The following GP6 variants were observed in gnomAD, a reference collection of about 807,000 sequenced individuals.
GP6 encodes the protein platelet glycoprotein VI.
A neutral mutation model predicts 37.3 loss-of-function variants in GP6; 45 were observed. That is an observed-to-expected ratio of 1.21 (90% confidence interval 0.95 to 1.55). The LOEUF is 1.55. Among genes scored for constraint, GP6 ranks in the 40% most tolerant of loss-of-function variants. The pLI, the probability that GP6 is intolerant of heterozygous loss-of-function variation, is 0.00. For missense variants in GP6, 813 were observed against 760.2 expected, an observed-to-expected ratio of 1.07 and a Z score of -0.82; for synonymous variants, 340 against 316.4, an observed-to-expected ratio of 1.07 and a Z score of -0.79.
intron 6 of GP6, among the ~76,000 whole-genome samples, chr19:55,018,258 G>A (rs577025885): frequency 1.9e-4 from 29 of 152,176 alleles, no homozygotes; most frequent in Non-Finnish European, 2.9e-4. Context: ...GGCCTGGAGC[G>A]GTTAGAAGAT....
chr19:55,025,415 A>G, intron 4 of GP6, 144 bp from the exon 5 acceptor site: 1 of 712,270 alleles, frequency 1.4e-6, no homozygotes, highest in African/African-American at 1.7e-5. Context: ...GGATGTTAAT[A>G]AGCATTTGAG....
At chr19:55,022,261 C>G (rs2074114059) in intron 5 of GP6, among the ~76,000 whole-genome samples, 1 of 152,118 alleles carries the variant, frequency 6.6e-6, no homozygotes, top group African/African-American at 2.4e-5. Context: ...AGATTTTCTT[C>G]TAGGGTTTTT....
At chr19:55,037,565 G>A (rs1041234318) in intron 1 of GP6, among the ~76,000 whole-genome samples, 10 of 145,966 alleles carry the variant, frequency 6.9e-5, no homozygotes, top group African/African-American at 2.0e-4. Flanking sequence ...TCAAACTCCC[G>A]ACCTCAGATG....
At chr19:55,025,150 A>T in intron 5 of GP6, 68 bp downstream of exon 5, 1 of 813,828 alleles carries the variant, frequency 1.2e-6, no homozygotes. Context: ...GTCTAGGCAG[A>T]GAGGAGAGAG....
Position 55,030,829 on chromosome 19 carries a change from T to C in GP6, c.325+1310A>G, listed in dbSNP as rs1654426. On this transcript the variant is annotated intron_variant, in intron 3 of 7. Coordinates refer to ENST00000310373, the MANE Select transcript of GP6 (RefSeq NM_001083899.2). ...ATAGCCTGGAGTTTACTTGATATAA[T>C]ATAGTTGTGTCTATGGTTAGTTTTT... Among the ~76,000 whole-genome samples the C allele has an allele frequency of 4.7e-3, 712 of 152,252 alleles. 8 individuals are homozygous for C. The highest frequency in any genetic ancestry group is 0.016 in the African/African-American group (682 of 41,550).
At chr19:55,022,533 A>G (rs1438959199) in intron 5 of GP6, among the ~76,000 whole-genome samples, 2 of 152,256 alleles carry the variant, frequency 1.3e-5, no homozygotes, top group African/African-American at 4.8e-5. Flanking sequence ...AGAAAGAAAT[A>G]AAGGATACTC....
At chr19:55,020,735 C>CA (rs1380269819) in intron 5 of GP6, among the ~76,000 whole-genome samples, 8 of 151,944 alleles carry the variant, frequency 5.3e-5, no homozygotes, top group Admixed American at 5.2e-4. Flanking sequence ...GGTATATAAC[C>CA]AGTAATGGGA....
chr19:55,032,223 T>C lies in GP6; in HGVS notation c.241A>G (p.Ser81Gly). 6.2e-7 allele frequency: 1 copy of C among 1,614,108 alleles called. No individual in the cohort carries two copies. Reference sequence around the variant, plus strand: ...GAGCAGCGGTAGCGTCCAGCCAGACTTCTCTTCATGGCCGGGATGAAGAGG... The same window carrying C: ...GAGCAGCGGTAGCGTCCAGCCAGACCTCTCTTCATGGCCGGGATGAAGAGG... Residue 81 changes from serine (S) to glycine (G), a missense_variant, in exon 3 of 8, where the codon AGT (serine) becomes GGT (glycine). Ser to Gly is a moderately conservative substitution (Grantham distance 56, BLOSUM62 0). Coordinates refer to ENST00000310373, the MANE Select transcript of GP6 (RefSeq NM_001083899.2).
At chr19:55,034,080 AC>A (rs985195401) in intron 1 of GP6, among the ~76,000 whole-genome samples, 3 of 151,978 alleles carry the variant, frequency 2.0e-5, no homozygotes, top group African/African-American at 7.3e-5. Context: ...ATCTATACAT[AC>A]ATGTGTATGT....
chr19:55,018,667 C>T lies in GP6; in HGVS notation c.709G>A (p.Glu237Lys), dbSNP rs1654416. ...GGTTACTCACCAGTTGTGAAGACTT[C>T]GTTTGTGAATGAGACGGTCAGTTCA... The change falls in exon 6 of 8, where the codon GAA (glutamate) becomes AAA (lysine). Residue 237 changes from glutamate to lysine, a missense_variant. Glu to Lys is a moderately conservative substitution (Grantham distance 56). Transcript: ENST00000310373. 0.81 allele frequency: 1,297,698 copies of T among 1,598,796 alleles called. 529,133 individuals carry two copies. Among genetic ancestry groups the T allele is most frequent in the Non-Finnish European group, 0.83 (964,607 of 1,166,138 alleles).
At position 55,014,231 on chromosome 19, in the gene GP6, G is replaced by A. The variant is rs775300532; in HGVS notation, c.1714C>T (p.Leu572Phe). ...CCATTCTCCCACCTCAGCCCCCTGA[G>A]TTGCTGGGAGTATAGGGATGCACCA... The change falls in exon 8 of 8, where the codon CTC becomes TTC. Residue 572 changes from leucine (L) to phenylalanine (F), a missense_variant. By Grantham distance (22) the Leu-to-Phe change is conservative. Transcript: ENST00000310373. 1 of 865,194 alleles carries A rather than the reference G, an allele frequency of 1.2e-6. No individual in the cohort carries two copies. The highest frequency in any genetic ancestry group is 2.4e-5 in the East Asian group (1 of 41,350). The allele number at this position is 865,194 out of a possible 1,614,324, so 53.6% of individuals were successfully genotyped here.
intron 4 of GP6, among the ~76,000 whole-genome samples, chr19:55,025,573 G>A (rs1568616637): frequency 6.6e-6 from 1 of 152,112 alleles, no homozygotes; most frequent in African/African-American, 2.4e-5. Context: ...AGGCGTGGTG[G>A]TGTGCACCTG....
chr19:55,033,457 G>T (rs1339205352), intron 1 of GP6, among the ~76,000 whole-genome samples: 114 of 149,364 alleles, frequency 7.6e-4, no homozygotes, highest in Admixed American at 1.6e-3. Context: ...TAGACGCGGT[G>T]GGCTCGTTCG....
intron 3 of GP6, among the ~76,000 whole-genome samples, chr19:55,029,118 G>A (rs1345809144): frequency 6.7e-6 from 1 of 148,386 alleles, no homozygotes; most frequent in African/African-American, 2.4e-5. Flanking sequence ...AAGGGAGGGA[G>A]GGAGGAAGGA....
In GP6 at chr19:55,014,808, C is replaced by G; in HGVS notation, c.1137G>C (p.Trp379Cys). ...AGGAGGAGGCAGCATGGCCTCGTTT[C>G]CACAGCTGTAGCCTCTGCCCTCCTG... The change falls in exon 8 of 8, where the codon TGG (tryptophan) becomes TGC (cysteine). Residue 379 changes from tryptophan (W) to cysteine (C), a missense_variant. By Grantham distance (215) the Trp-to-Cys change is radical. Transcript: ENST00000310373. The G allele has an allele frequency of 6.2e-7, 1 of 1,613,978 alleles. No individual in the cohort carries two copies. The highest frequency in any genetic ancestry group is 1.6e-4 in the Middle Eastern group (1 of 6,062).
intron 5 of GP6, among the ~76,000 whole-genome samples, chr19:55,024,837 A>T (rs1052892650): frequency 6.6e-6 from 1 of 152,152 alleles, no homozygotes; most frequent in Non-Finnish European, 1.5e-5. Flanking sequence ...TGATCAATGC[A>T]TTCAGTGACT....
intron 6 of GP6, among the ~76,000 whole-genome samples, chr19:55,016,108 C>A (rs1163989575): frequency 1.3e-5 from 2 of 151,562 alleles, no homozygotes; most frequent in East Asian, 3.9e-4. Flanking sequence ...TACCACTGCA[C>A]TCTAGCCTGG....
chr19:55,014,241 G>A lies in GP6; in HGVS notation c.1704C>T (p.Tyr568=). ...ACCTCAGCCCCCTGAGTTGCTGGGA[G>A]TATAGGGATGCACCACCACACCTGG... Residue 568 remains tyrosine, a synonymous_variant, in exon 8 of 8, where the codon TAC becomes TAT. Transcript: ENST00000310373. 2.2e-6 allele frequency: 2 copies of A among 914,264 alleles called. No homozygotes were observed. The highest frequency in any genetic ancestry group is 3.6e-6 in the Non-Finnish European group (2 of 556,758). 56.6% of individuals were successfully genotyped at this position (914,264 alleles called of 1,614,324 possible).
At chr19:55,025,347 A>G (rs2074262870) in intron 4 of GP6, 76 bp from the exon 5 acceptor site, 2 of 913,204 alleles carry the variant, frequency 2.2e-6, no homozygotes, top group Admixed American at 4.0e-5. Flanking sequence ...CATCTCCGTG[A>G]CTGAGTTTCC....
Sources: allele counts gnomAD v4.1 joint callset (sites outside exome capture counted in the v4.1 genomes callset), GRCh38; gene constraint gnomAD v4.1.1; transcripts MANE v1.5; gene names NCBI Gene and HGNC (gene_info 2026-07-23, HGNC 2026-07-21).